Variants in UGGT2 observed in about 807,000 individuals in gnomAD.
The protein encoded by UGGT2 is UDP-glucose:glycoprotein glucosyltransferase 2.
In UGGT2, 180 loss-of-function variants were observed where a neutral mutation model predicts 192.1. The observed-to-expected ratio is 0.94, with a 90% CI of 0.83 to 1.06. The LOEUF (loss-of-function observed/expected upper bound fraction) is 1.06. Ranked by LOEUF, UGGT2 falls within the 50% of genes least tolerant of loss-of-function variation. The probability of loss-of-function intolerance (pLI) is 0.00; values close to 1 mark genes in which losing one functional copy is unlikely to be tolerated. For missense variants in UGGT2, 1,849 were observed against 1,795.7 expected, an observed-to-expected ratio of 1.03 and a Z score of -0.54; for synonymous variants, 580 against 591.0, an observed-to-expected ratio of 0.98 and a Z score of 0.27.
intron 7 of UGGT2, 28 bp downstream of exon 7, chr13:95,996,035 T>C (rs2051607602): frequency 1.9e-6 from 3 of 1,595,704 alleles, no homozygotes; most frequent in Non-Finnish European, 2.6e-6. Flanking sequence ...GGTATAATAA[T>C]ACCAATTTCA....
At chr13:95,995,378 ACATTT>A (rs2051586297) in intron 7 of UGGT2, 1 of 152,008 alleles carries the variant, frequency 6.6e-6, no homozygotes, top group Non-Finnish European at 1.5e-5. Flanking sequence ...AAAAGAAACA[ACATTT>A]CATTTATTAA....
chr13:95,831,271 TATA>T lies in UGGT2; in HGVS notation c.4528+1653_4528+1655del, dbSNP rs200010292. ...TGCACATATACCCTAGAACTTAAAG[TATA>T]ATAATAATAAAAAAAAATCTCTTTT... On this transcript the variant is annotated intron_variant, in intron 38 of 38. Transcript: ENST00000376747. Among the ~76,000 whole-genome samples, 78 of 152,140 alleles carry T rather than the reference TATA, an allele frequency of 5.1e-4. No homozygotes were observed. The East Asian group carries it at 0.014, about 28-fold the overall frequency.
At chr13:95,978,183 G>GTAAAAT (rs1409012616) in intron 10 of UGGT2, among the ~76,000 whole-genome samples, 1 of 151,970 alleles carries the variant, frequency 6.6e-6, no homozygotes, top group Non-Finnish European at 1.5e-5. Flanking sequence ...AGAACTTAAA[G>GTAAAAT]TAAAATTAAA....
intron 7 of UGGT2, 146 bp downstream of exon 7, chr13:95,995,909 TTACTTCTG>T: frequency 1.5e-6 from 1 of 649,144 alleles, no homozygotes; most frequent in South Asian, 1.8e-5. Flanking sequence ...TAGCCATGTG[TTACTTCTG>T]TAATAAATAA....
chr13:95,968,489 G>A (rs369802149), intron 12 of UGGT2, among the ~76,000 whole-genome samples: 7 of 152,050 alleles, frequency 4.6e-5, no homozygotes, highest in African/African-American at 1.7e-4. Context: ...GGACGTGTTG[G>A]GTCATGGGGG....
chr13:96,007,372 A>G (rs555748705), intron 5 of UGGT2, among the ~76,000 whole-genome samples: 2 of 152,210 alleles, frequency 1.3e-5, no homozygotes, highest in Non-Finnish European at 2.9e-5. Context: ...ATTGAAAGCC[A>G]TCCCTCAAAG....
chr13:95,820,907 C>T (rs887056590), intron 38 of UGGT2, among the ~76,000 whole-genome samples: 1 of 152,052 alleles, frequency 6.6e-6, no homozygotes, highest in Non-Finnish European at 1.5e-5. Context: ...CACCCAGTTG[C>T]TATAAAATAC....
At chr13:96,047,411 G>T (rs1030562941) in intron 1 of UGGT2, among the ~76,000 whole-genome samples, 2 of 152,208 alleles carry the variant, frequency 1.3e-5, no homozygotes, top group African/African-American at 4.8e-5. Context: ...TGAGGGTCCT[G>T]ACTGTTAGAA....
chr13:95,832,780 C>T lies in UGGT2; in HGVS notation c.4528+147G>A, dbSNP rs953722000. 7 of 1,247,490 alleles carry T rather than the reference C, an allele frequency of 5.6e-6. No individual in the cohort carries two copies. The African/African-American group carries it at 6.0e-5, about 11-fold the overall frequency. The allele number at this position is 1,247,490 out of a possible 1,614,324, so 77.3% of individuals were successfully genotyped here. ...TTTAAACTTGTAAGCTTAGTCTACA[C>T]AAAAATACACCTTTAAATTATGCCA... On this transcript the variant is annotated intron_variant, in intron 38 of 38. Transcript: ENST00000376747.
At chr13:95,829,255 G>A (rs1429556612) in intron 38 of UGGT2, among the ~76,000 whole-genome samples, 1 of 152,116 alleles carries the variant, frequency 6.6e-6, no homozygotes. Context: ...TTTGAAAACT[G>A]GCACAAGACA....
intron 15 of UGGT2, among the ~76,000 whole-genome samples, chr13:95,940,313 T>G (rs903678783): frequency 6.6e-6 from 1 of 151,886 alleles, no homozygotes; most frequent in East Asian, 1.9e-4. Context: ...AATTTATGTT[T>G]TACTCTATTT....
intron 26 of UGGT2, among the ~76,000 whole-genome samples, chr13:95,884,938 T>A (rs147266299): frequency 6.6e-6 from 1 of 152,208 alleles, no homozygotes; most frequent in Non-Finnish European, 1.5e-5. Flanking sequence ...CCCTTTAAGA[T>A]ATACCTGACT....
intron 10 of UGGT2, among the ~76,000 whole-genome samples, chr13:95,973,993 A>G (rs555743421): frequency 5.3e-5 from 8 of 151,828 alleles, no homozygotes; most frequent in Non-Finnish European, 8.9e-5. Context: ...ACATCATATG[A>G]TAAGTCACAT....
intron 38 of UGGT2, among the ~76,000 whole-genome samples, chr13:95,824,619 C>G (rs1169291570): frequency 1.3e-5 from 2 of 152,078 alleles, no homozygotes; most frequent in East Asian, 3.9e-4. Flanking sequence ...CTAAGCATGT[C>G]TTTCATTTCC....
intron 36 of UGGT2, among the ~76,000 whole-genome samples, chr13:95,847,145 A>ATT (rs11423057): frequency 4.7e-5 from 7 of 149,902 alleles, no homozygotes; most frequent in African/African-American, 1.7e-4. Flanking sequence ...TAAAAATTTT[A>ATT]TTTTTTAGAG....
Position 95,801,793 on chromosome 13 carries a change from G to C in UGGT2, c.4548C>G (p.Leu1516=), listed in dbSNP as rs759623111. 1.6e-5 allele frequency: 26 copies of C among 1,613,690 alleles called. No individual in the cohort carries two copies. Among genetic ancestry groups the C allele is most frequent in the Non-Finnish European group, 2.1e-5 (25 of 1,179,854 alleles). The change falls in exon 39 of 39, where the codon CTC becomes CTG. Residue 1516 remains leucine (L), a synonymous_variant. Coordinates refer to ENST00000376747, the MANE Select transcript of UGGT2 (RefSeq NM_020121.4). ...KQDTILTHDE[L] The stretch of plus-strand genomic sequence containing the variant: ...TTCCTTCTCATATACACCAGTGCTA[G>C]AGTTCATCATGTGTCAAAACTATAA...
rs1047890805 is a variant in UGGT2 at position 95,801,765 on chromosome 13, G to A, written c.*25C>T. The A allele has an allele frequency of 2.4e-5, 38 of 1,609,638 alleles. No individual in the cohort carries two copies. The highest frequency in any genetic ancestry group is 1.2e-4 in the South Asian group (11 of 90,134). On this transcript the variant is annotated 3_prime_UTR_variant, in exon 39 of 39. Transcript: ENST00000376747. ...GCGGCAGGTTTCCTGTCATGCTTTC[G>A]CCTTCCTTCTCATATACACCAGTGC...
At position 96,013,327 on chromosome 13, in the gene UGGT2, C is replaced by T; in HGVS notation, c.640G>A (p.Val214Ile). 2 of 1,600,438 alleles carry T rather than the reference C, an allele frequency of 1.2e-6. No homozygotes were observed. Residue 214 changes from valine to isoleucine, a missense_variant, in exon 5 of 39, where the codon GTT becomes ATT. Val to Ile is a conservative substitution (Grantham distance 29). Transcript: ENST00000376747. ...EKAQNEEILY[V>I]LRHYIQKPSS... ...CATACCTGAATATAATGGCGAAGAA[C>T]ATACAGAATTTCCTCATTTTGAGCT...
chr13:95,802,789 G>A (rs562118232), intron 38 of UGGT2, among the ~76,000 whole-genome samples: 1 of 151,988 alleles, frequency 6.6e-6, no homozygotes, highest in Non-Finnish European at 1.5e-5. Flanking sequence ...AAGAGAAACT[G>A]ACAGCCTGGT....
Sources: allele counts gnomAD v4.1 joint callset (sites outside exome capture counted in the v4.1 genomes callset), GRCh38; gene constraint gnomAD v4.1.1; transcripts MANE v1.5; gene names NCBI Gene and HGNC (gene_info 2026-07-23, HGNC 2026-07-21).